The following KCNT2 variants were observed in gnomAD, a reference collection of about 807,000 sequenced individuals.
KCNT2 encodes potassium sodium-activated channel subfamily T member 2, also known as potassium channel subfamily T member 2.
KCNT2 carries 67 observed loss-of-function variants against 153.8 expected under a neutral mutation model. That is an observed-to-expected ratio of 0.44 (90% CI 0.36 to 0.53). KCNT2 has a LOEUF of 0.53. Among genes scored for constraint, KCNT2 ranks in the 20% least tolerant of loss-of-function variants. The pLI is 0.00. For synonymous variants in KCNT2, 500 were observed against 458.8 expected (o/e 1.09, Z -1.15); for missense variants, 975 against 1,354.8 (o/e 0.72, Z 4.40).
At chr1:196,362,654 C>T (rs549672185) in intron 14 of KCNT2, among the ~76,000 whole-genome samples, 1 of 152,200 alleles carries the variant, frequency 6.6e-6, no homozygotes, top group East Asian at 1.9e-4. Context: ...AATACTATCT[C>T]CAAATATTTA....
intron 13 of KCNT2, among the ~76,000 whole-genome samples, chr1:196,381,990 A>G (rs1157102383): frequency 1.3e-5 from 2 of 152,222 alleles, no homozygotes; most frequent in African/African-American, 4.8e-5. Flanking sequence ...GTAAAAAGAA[A>G]GTAAATGCAT....
intron 14 of KCNT2, among the ~76,000 whole-genome samples, chr1:196,367,924 A>G (rs1668179986): frequency 1.3e-5 from 2 of 152,150 alleles, no homozygotes; most frequent in Admixed American, 6.6e-5. Context: ...CTTCTTACCT[A>G]GAAGACTAGC....
At chr1:196,289,921 G>C (rs1252449830) in intron 22 of KCNT2, among the ~76,000 whole-genome samples, 3 of 151,794 alleles carry the variant, frequency 2.0e-5, no homozygotes, top group Non-Finnish European at 4.4e-5. Flanking sequence ...ACTTTTAAAT[G>C]TTTGGTCTTA....
At chr1:196,489,417 G>A (rs1679688348) in intron 3 of KCNT2, among the ~76,000 whole-genome samples, 2 of 149,278 alleles carry the variant, frequency 1.3e-5, no homozygotes, top group Admixed American at 1.3e-4. Context: ...AGTCTCTAGA[G>A]AAAAAAAAAG....
chr1:196,393,760 G>A (rs557494307), intron 13 of KCNT2, among the ~76,000 whole-genome samples: 1 of 151,388 alleles, frequency 6.6e-6, no homozygotes, highest in Non-Finnish European at 1.5e-5. Context: ...ACTGAGGAGG[G>A]GAATTTATGA....
At chr1:196,479,630 C>G (rs1678837900) in intron 4 of KCNT2, among the ~76,000 whole-genome samples, 2 of 151,532 alleles carry the variant, frequency 1.3e-5, no homozygotes, top group South Asian at 2.1e-4. Flanking sequence ...AGGCTGGTCT[C>G]AAGCCCCGGG....
intron 1 of KCNT2, among the ~76,000 whole-genome samples, chr1:196,508,687 A>C (rs1013080687): frequency 1.3e-5 from 2 of 152,226 alleles, no homozygotes; most frequent in East Asian, 1.9e-4. Context: ...CTTAGTGAGA[A>C]ATGTTAAACC....
rs1679909260 is a variant in KCNT2, at chr1:196,492,209, T to C, written c.175+53A>G. 14 of 1,353,818 alleles carry C rather than the reference T, an allele frequency of 1.0e-5. No individual in the cohort carries two copies. The East Asian group carries it at 1.6e-4, about 15-fold the overall frequency. 83.9% of individuals were successfully genotyped at this position (1,353,818 alleles called of 1,614,324 possible). ...TTTGCAAAAGATCACACAGTTGAAA[T>C]ATTTTGAAGTAAATATATGTACGAA... On this transcript the variant is annotated intron_variant, in intron 2 of 27. Transcript: ENST00000294725.
intron 12 of KCNT2, among the ~76,000 whole-genome samples, chr1:196,405,905 C>T (rs1304692980): frequency 6.6e-6 from 1 of 151,486 alleles, no homozygotes; most frequent in African/African-American, 2.4e-5. Context: ...ATCACAAACA[C>T]TTATAAAATA....
chr1:196,329,002 A>T (rs532233499), intron 18 of KCNT2, among the ~76,000 whole-genome samples: 1 of 152,252 alleles, frequency 6.6e-6, no homozygotes, highest in Non-Finnish European at 1.5e-5. Flanking sequence ...TGGATCATCA[A>T]GAATGTCAAT....
intron 3 of KCNT2, among the ~76,000 whole-genome samples, chr1:196,482,851 CCATGGAAAA>C (rs2148707987): frequency 6.6e-6 from 1 of 152,044 alleles, no homozygotes; most frequent in African/African-American, 2.4e-5. Context: ...ATTTAACATA[CCATGGAAAA>C]CAGTATGACT....
At chr1:196,444,030 A>T (rs1364637402) in intron 8 of KCNT2, among the ~76,000 whole-genome samples, 2 of 151,492 alleles carry the variant, frequency 1.3e-5, no homozygotes, top group Non-Finnish European at 3.0e-5. Context: ...AGGGCCTAGA[A>T]ATGATCCCTG....
intron 1 of KCNT2, among the ~76,000 whole-genome samples, chr1:196,574,629 C>T (rs142002791): frequency 7.2e-4 from 110 of 151,778 alleles, no homozygotes; most frequent in African/African-American, 2.6e-3. Flanking sequence ...CTTGATGAGG[C>T]CTTTTCAATA....
chr1:196,342,365 G>T (rs1665725398), intron 14 of KCNT2, 137 bp from the exon 15 acceptor site: 1 of 527,444 alleles, frequency 1.9e-6, no homozygotes, highest in Non-Finnish European at 3.0e-6. Context: ...TCTGAGTAAT[G>T]CTTTGAAGTC....
At chr1:196,504,340 T>G (rs1182423169) in intron 1 of KCNT2, among the ~76,000 whole-genome samples, 1 of 151,218 alleles carries the variant, frequency 6.6e-6, no homozygotes, top group East Asian at 2.0e-4. Context: ...CGGTGTTTGG[T>G]TTTTTGTCCT....
At position 196,523,694 on chromosome 1, in the gene KCNT2, T is replaced by C. The variant is rs536763976; in HGVS notation, c.96-31353A>G. Reference sequence around the variant, plus strand: ...AAAGCATCTGATAGAGCCATGCATCTACCTTTAAATTAAAAACTGAGGTCA... The same window carrying C: ...AAAGCATCTGATAGAGCCATGCATCCACCTTTAAATTAAAAACTGAGGTCA... On this transcript the variant is annotated intron_variant, in intron 1 of 27. Coordinates refer to ENST00000294725, the MANE Select transcript of KCNT2 (RefSeq NM_198503.5). Among the ~76,000 whole-genome samples, 4 of 152,314 alleles carry C rather than the reference T, an allele frequency of 2.6e-5. No individual in the cohort carries two copies. In the South Asian group the frequency reaches 8.3e-4, roughly 32 times the overall value.
At chr1:196,575,021 A>G (rs973489043) in intron 1 of KCNT2, among the ~76,000 whole-genome samples, 1 of 152,062 alleles carries the variant, frequency 6.6e-6, no homozygotes, top group Non-Finnish European at 1.5e-5. Flanking sequence ...GGTGTCTATA[A>G]TTAAGCAATT....
At chr1:196,551,920 T>G (rs1180683534) in intron 1 of KCNT2, among the ~76,000 whole-genome samples, 1 of 151,560 alleles carries the variant, frequency 6.6e-6, no homozygotes, top group Non-Finnish European at 1.5e-5. Context: ...GTTGTGCCTA[T>G]AACTAAACAC....
rs781009194 is a variant in KCNT2 at position 196,398,535 on chromosome 1, A to G, written c.1294+28T>C. 1.8e-5 allele frequency: 23 copies of G among 1,266,436 alleles called. No individual in the cohort carries two copies. In the South Asian group the frequency reaches 2.2e-4, roughly 12 times the overall value. 78.4% of individuals were successfully genotyped at this position (1,266,436 alleles called of 1,614,324 possible). On this transcript the variant is annotated intron_variant, in intron 13 of 27. Transcript: ENST00000294725. ...CACTATAGGAGTTTCAGGAAATTCA[A>G]TGGATCTCATGCAAGATAAAAACTT...
Sources: allele counts gnomAD v4.1 joint callset (sites outside exome capture counted in the v4.1 genomes callset), GRCh38; gene constraint gnomAD v4.1.1; transcripts MANE v1.5; gene names NCBI Gene and HGNC (gene_info 2026-07-23, HGNC 2026-07-21).